FAM20B: variants seen among roughly 807,000 people sequenced by gnomAD.
FAM20B encodes the protein glycosaminoglycan xylosylkinase.
Under a neutral mutation model 43.8 loss-of-function variants are expected in FAM20B, and 23 were observed. The observed-to-expected ratio is 0.53, with a 90% CI of 0.38 to 0.74. The LOEUF is 0.74. Ranked by LOEUF, FAM20B falls within the 30% of genes least tolerant of loss-of-function variation. The probability of loss-of-function intolerance (pLI) is 0.00; values close to 1 mark genes in which losing one functional copy is unlikely to be tolerated. For missense variants in FAM20B, 440 were observed against 510.5 expected (o/e 0.86, Z 1.33); for synonymous variants, 178 against 192.4 (o/e 0.93, Z 0.62).
Position 179,044,001 on chromosome 1 carries a change from C to G in FAM20B, c.154C>G (p.Leu52Val), listed in dbSNP as rs766330375. Residue 52 changes from leucine to valine, a missense_variant, in exon 2 of 8, where the codon CTG becomes GTG. Transcript: ENST00000263733. ...HRMMTGLRVE[L>V]APKLDHTLQS... ...AATGATGACTGGCTTGCGGGTGGAG[C>G]TGGCACCCAAGCTGGACCATACCTT... The G allele has an allele frequency of 6.2e-7, 1 of 1,614,168 alleles. No individual in the cohort carries two copies. The highest frequency in any genetic ancestry group is 8.5e-7 in the Non-Finnish European group (1 of 1,180,006).
upstream of FAM20B, among the ~76,000 whole-genome samples, chr1:179,023,137 T>C (rs1473932798): frequency 2.0e-5 from 3 of 152,194 alleles, no homozygotes; most frequent in Non-Finnish European, 4.4e-5. Flanking sequence ...CGGACAAGCC[T>C]CTGGTGGGTT....
rs1020473403 is a variant in FAM20B at position 179,044,089 on chromosome 1, C to T, written c.242C>T (p.Thr81Ile). Residue 81 changes from threonine to isoleucine, a missense_variant, in exon 2 of 8, where the codon ACA becomes ATA. Coordinates refer to ENST00000263733, the MANE Select transcript of FAM20B (RefSeq NM_014864.4). The stretch of plus-strand genomic sequence containing the variant: ...CCCCGGGAAGTGTACCCTGAAGAGA[C>T]ACCAGAGCTGGGGGCAGTCATGCAT... ...VVPREVYPEE[T>I]PELGAVMHAM... is the part of the protein sequence containing the mutation. 6.2e-7 allele frequency: 1 copy of T among 1,614,080 alleles called. No homozygotes were observed. Among genetic ancestry groups the T allele is most frequent in the African/African-American group, 1.3e-5 (1 of 74,990 alleles).
chr1:179,042,050 A>G (rs905430636), intron 1 of FAM20B, among the ~76,000 whole-genome samples: 1 of 152,110 alleles, frequency 6.6e-6, no homozygotes, highest in Non-Finnish European at 1.5e-5. Context: ...GTTCTTGCTT[A>G]TTAGTGTCAC....
the FAM20B span, among the ~76,000 whole-genome samples, chr1:179,019,652 G>A: frequency 6.6e-6 from 1 of 152,048 alleles, no homozygotes; most frequent in South Asian, 2.1e-4. Context: ...AGTAGAGATG[G>A]GGTTTCTCCA....
intron 1 of FAM20B, among the ~76,000 whole-genome samples, chr1:179,041,226 G>C (rs1477386977): frequency 1.3e-5 from 2 of 151,762 alleles, no homozygotes; most frequent in Non-Finnish European, 2.9e-5. Flanking sequence ...CAACCAGGCA[G>C]AGACGCTCCT....
chr1:179,040,491 GA>G (rs1650446850), intron 1 of FAM20B, among the ~76,000 whole-genome samples: 1 of 139,254 alleles, frequency 7.2e-6, no homozygotes, highest in Non-Finnish European at 1.6e-5. Flanking sequence ...GCGGGGGGCT[GA>G]CCCCCCCACC....
chr1:179,026,801 G>C (rs930920582), intron 1 of FAM20B, among the ~76,000 whole-genome samples: 1 of 152,262 alleles, frequency 6.6e-6, no homozygotes, highest in African/African-American at 2.4e-5. Context: ...AATGATGAAT[G>C]TGAATAGTTG....
At chr1:179,050,931 G>A (rs992732571) in intron 3 of FAM20B, among the ~76,000 whole-genome samples, 1 of 152,094 alleles carries the variant, frequency 6.6e-6, no homozygotes, top group African/African-American at 2.4e-5. Flanking sequence ...AGACCAGCCT[G>A]GGCAACATGG....
chr1:179,054,927 G>A (rs886739255), intron 4 of FAM20B, among the ~76,000 whole-genome samples: 1 of 152,310 alleles, frequency 6.6e-6, no homozygotes, highest in East Asian at 1.9e-4. Context: ...AGAGCTATTA[G>A]TAAGTCTCAA....
chr1:179,021,262 A>T (rs1171782857), upstream of FAM20B, among the ~76,000 whole-genome samples: 2 of 152,180 alleles, frequency 1.3e-5, no homozygotes, highest in Non-Finnish European at 2.9e-5. Context: ...CTTCCATGTG[A>T]CTGCAATTAC....
chr1:179,040,916 A>G (rs1183972466), intron 1 of FAM20B, among the ~76,000 whole-genome samples: 23 of 139,834 alleles, frequency 1.6e-4, no homozygotes, highest in Non-Finnish European at 3.2e-4. Context: ...CCGGGCAGAG[A>G]CGCTCCTCAC....
In FAM20B at chr1:179,043,862, G is replaced by A. The variant is rs1572540170; in HGVS notation, c.15G>A (p.Gln5=). The change falls in exon 2 of 8, where the codon CAG becomes CAA. Residue 5 remains glutamine (Q), a synonymous_variant. Transcript: ENST00000263733. MKLK[Q]RVVLLAILLV... is the part of the protein sequence containing the mutation. Reference sequence around the variant, plus strand: ...AAGAGGTCAACATGAAGCTAAAGCAGCGAGTCGTGCTGTTAGCAATTCTCC... The same window carrying A: ...AAGAGGTCAACATGAAGCTAAAGCAACGAGTCGTGCTGTTAGCAATTCTCC... The A allele has an allele frequency of 1.3e-6, 2 of 1,597,714 alleles. No individual in the cohort carries two copies. The highest frequency in any genetic ancestry group is 1.7e-5 in the Admixed American group (1 of 59,576).
intron 4 of FAM20B, among the ~76,000 whole-genome samples, chr1:179,059,896 CG>C (rs1484279434): frequency 6.6e-6 from 1 of 151,262 alleles, no homozygotes; most frequent in Non-Finnish European, 1.5e-5. Flanking sequence ...CACTTGAACC[CG>C]GGAAGTGGAG....
At chr1:179,051,123 A>T (rs201419300) in intron 3 of FAM20B, among the ~76,000 whole-genome samples, 10 of 39,402 alleles carry the variant, frequency 2.5e-4, no homozygotes, top group Admixed American at 1.3e-3. Flanking sequence ...CTCTGTCTTT[A>T]AAAAAAAAAA....
intron 1 of FAM20B, chr1:179,035,174 C>T (rs1433411833): frequency 7.9e-6 from 3 of 379,344 alleles, no homozygotes; most frequent in Non-Finnish European, 1.5e-5. Flanking sequence ...ATCACATGAT[C>T]TGTAGACCCC....
At chr1:179,036,548 T>A (rs935343275) in intron 1 of FAM20B, among the ~76,000 whole-genome samples, 1 of 152,156 alleles carries the variant, frequency 6.6e-6, no homozygotes, top group African/African-American at 2.4e-5. Context: ...ATATACCCAG[T>A]GAATTTGCGT....
chr1:179,070,484 AAGAG>A (rs986762823), intron 7 of FAM20B, among the ~76,000 whole-genome samples: 11 of 151,056 alleles, frequency 7.3e-5, no homozygotes, highest in Non-Finnish European at 1.2e-4. Context: ...CAAAAGGGCA[AAGAG>A]AGAGGGCAAC....
At chr1:179,044,358 A>G in intron 2 of FAM20B, 134 bp downstream of exon 2, 1 of 939,474 alleles carries the variant, frequency 1.1e-6, no homozygotes, top group Admixed American at 2.8e-5. Context: ...AGATCTCTAA[A>G]GTCTTTTCTA....
intron 3 of FAM20B, among the ~76,000 whole-genome samples, chr1:179,053,346 G>T (rs1208938274): frequency 6.6e-6 from 1 of 152,094 alleles, no homozygotes. Context: ...TGAGGTGAGA[G>T]GATCACTTGA....
Sources: gnomAD v4.1 joint callset for allele counts (sites outside exome capture counted in the v4.1 genomes callset) on GRCh38, gnomAD v4.1.1 for gene constraint, MANE v1.5 for transcripts, NCBI Gene and HGNC (gene_info 2026-07-23, HGNC 2026-07-21) for gene names.